Variants in PRKCE observed in about 807,000 individuals in gnomAD.
PRKCE encodes the protein protein kinase C epsilon type.
PRKCE carries 16 observed loss-of-function variants against 85.4 expected under a neutral mutation model. The ratio of observed to expected loss-of-function variants is 0.19; its 90% confidence interval spans 0.13 to 0.28. The LOEUF is 0.28. Ranked by LOEUF, PRKCE falls within the 10% of genes least tolerant of loss-of-function variation. The pLI, the probability that PRKCE is intolerant of heterozygous loss-of-function variation, is 1.00. For synonymous variants in PRKCE, 388 were observed against 371.5 expected (o/e 1.04, Z -0.51); for missense variants, 573 against 975.2 (o/e 0.59, Z 5.49).
rs1456435036 is a variant in PRKCE, at chr2:45,980,286, C to G, written c.608-10C>G. 1.9e-6 allele frequency: 3 copies of G among 1,599,306 alleles called. No homozygotes were observed. The highest frequency in any genetic ancestry group is 2.5e-6 in the Non-Finnish European group (3 of 1,179,740). On this transcript the variant is annotated splice_polypyrimidine_tract_variant and intron_variant, in intron 4 of 14. Transcript: ENST00000306156. ...GTGTCATTCAGCCTTCCTGTCTTTG[C>G]TATTTGCAGTCTGCACCTGCGTGGT...
intron 11 of PRKCE, among the ~76,000 whole-genome samples, chr2:46,127,147 C>G (rs1475068987): frequency 6.6e-6 from 1 of 152,158 alleles, no homozygotes; most frequent in Non-Finnish European, 1.5e-5. Flanking sequence ...AGTGTCCATT[C>G]TATGTTTAGC....
intron 1 of PRKCE, among the ~76,000 whole-genome samples, chr2:45,827,225 G>A (rs188282208): frequency 9.1e-4 from 138 of 152,338 alleles, no homozygotes; most frequent in African/African-American, 3.2e-3. Context: ...CTCTGCACCA[G>A]TCGGGCTGGC....
At chr2:45,671,844 G>A (rs1389950775) in intron 1 of PRKCE, among the ~76,000 whole-genome samples, 1 of 152,058 alleles carries the variant, frequency 6.6e-6, no homozygotes. Flanking sequence ...CGAGGCAGGG[G>A]GATTGCTTGA....
chr2:46,006,215 A>T (rs1470314911), intron 8 of PRKCE, among the ~76,000 whole-genome samples: 1 of 152,256 alleles, frequency 6.6e-6, no homozygotes, highest in Non-Finnish European at 1.5e-5. Context: ...GTAAAGACAC[A>T]TAGAAAAACC....
chr2:46,038,052 C>T (rs1433401904), intron 10 of PRKCE, among the ~76,000 whole-genome samples: 1 of 152,270 alleles, frequency 6.6e-6, no homozygotes, highest in South Asian at 2.1e-4. Flanking sequence ...TAATACCAGT[C>T]TCCTCTGTCC....
intron 1 of PRKCE, among the ~76,000 whole-genome samples, chr2:45,669,935 C>A (rs1463763475): frequency 6.6e-6 from 1 of 152,226 alleles, no homozygotes; most frequent in East Asian, 1.9e-4. Flanking sequence ...CACTTGAACC[C>A]AGGAGGCAGA....
intron 1 of PRKCE, among the ~76,000 whole-genome samples, chr2:45,820,405 T>C (rs372824777): frequency 9.5e-4 from 144 of 151,762 alleles, no homozygotes; most frequent in African/African-American, 3.3e-3. Flanking sequence ...TAGATTTTAT[T>C]TGGAGGGGGA....
chr2:45,962,998 T>C (rs1184373901), intron 2 of PRKCE, among the ~76,000 whole-genome samples: 2 of 152,208 alleles, frequency 1.3e-5, no homozygotes, highest in East Asian at 3.9e-4. Context: ...AAGGAAAAGA[T>C]ATAAGTTCCA....
chr2:46,148,802 C>T (rs939831928), intron 12 of PRKCE, among the ~76,000 whole-genome samples: 22 of 152,152 alleles, frequency 1.4e-4, no homozygotes, highest in Non-Finnish European at 1.8e-4. Flanking sequence ...GCCTGCAACT[C>T]GTAGGAACAG....
intron 1 of PRKCE, among the ~76,000 whole-genome samples, chr2:45,756,311 C>T (rs1363373755): frequency 6.6e-6 from 1 of 152,182 alleles, no homozygotes; most frequent in East Asian, 1.9e-4. Context: ...GTATCCTGCT[C>T]CCAGGCTCTA....
At chr2:46,175,532 C>A (rs1303677429) in intron 14 of PRKCE, among the ~76,000 whole-genome samples, 1 of 152,224 alleles carries the variant, frequency 6.6e-6, no homozygotes, top group Non-Finnish European at 1.5e-5. Flanking sequence ...CTACTAATGT[C>A]CCCATTTTAT....
At chr2:46,173,623 G>T (rs774203199) in intron 14 of PRKCE, among the ~76,000 whole-genome samples, 1 of 152,206 alleles carries the variant, frequency 6.6e-6, no homozygotes, top group Non-Finnish European at 1.5e-5. Flanking sequence ...TTCTGAATTG[G>T]CACTGCCTTC....
intron 1 of PRKCE, among the ~76,000 whole-genome samples, chr2:45,759,621 C>A (rs554391096): frequency 3.3e-5 from 5 of 152,330 alleles, no homozygotes; most frequent in Admixed American, 3.3e-4. Context: ...TAGCTGTAAT[C>A]TGAAATGTCA....
At position 45,929,030 on chromosome 2, in the gene PRKCE, C is replaced by A. The variant is rs1249112606; in HGVS notation, c.413-47399C>A. ...GGAATTGTGCGTTCTTTCTTCTTTC[C>A]CCTTTTAGAAGGGATGGATTTAGCC... is the stretch of plus-strand genomic sequence containing the variant. On this transcript the variant is annotated intron_variant, in intron 2 of 14. Coordinates refer to ENST00000306156, the MANE Select transcript of PRKCE (RefSeq NM_005400.3). 7.2e-5 allele frequency among the ~76,000 whole-genome samples: 11 copies of A among 152,116 alleles called. No homozygotes were observed. In the East Asian group the frequency reaches 2.1e-3, roughly 29 times the overall value.
intron 1 of PRKCE, among the ~76,000 whole-genome samples, chr2:45,830,164 T>C (rs1368455685): frequency 6.6e-6 from 1 of 152,020 alleles, no homozygotes; most frequent in Non-Finnish European, 1.5e-5. Context: ...ATTGTGGGTA[T>C]TACTCTCCAG....
intron 5 of PRKCE, among the ~76,000 whole-genome samples, chr2:45,981,733 C>T (rs974360102): frequency 6.6e-6 from 1 of 152,212 alleles, no homozygotes; most frequent in Non-Finnish European, 1.5e-5. Context: ...TTCCTATGGA[C>T]ATTCCATTGA....
intron 10 of PRKCE, among the ~76,000 whole-genome samples, chr2:46,013,317 G>A (rs752691479): frequency 2.0e-5 from 3 of 152,208 alleles, no homozygotes; most frequent in Non-Finnish European, 4.4e-5. Flanking sequence ...CAGTTCTCAC[G>A]TGGAAGGATT....
At chr2:46,074,899 G>A (rs1005618025) in intron 10 of PRKCE, among the ~76,000 whole-genome samples, 1 of 152,202 alleles carries the variant, frequency 6.6e-6, no homozygotes, top group Non-Finnish European at 1.5e-5. Flanking sequence ...AGAGTCTCAT[G>A]CAGTCCCTAC....
At chr2:46,172,873 A>G (rs1238661168) in intron 14 of PRKCE, among the ~76,000 whole-genome samples, 1 of 152,216 alleles carries the variant, frequency 6.6e-6, no homozygotes, top group Non-Finnish European at 1.5e-5. Context: ...TTCCTCAGAG[A>G]CAGTTATTGT....
Sources: gnomAD v4.1 joint callset for allele counts (sites outside exome capture counted in the v4.1 genomes callset) on GRCh38, gnomAD v4.1.1 for gene constraint, MANE v1.5 for transcripts, NCBI Gene and HGNC (gene_info 2026-07-23, HGNC 2026-07-21) for gene names.